The following SLC12A8 variants were observed in gnomAD, a reference collection of about 807,000 sequenced individuals.
SLC12A8 encodes the protein solute carrier family 12 member 8, also known as cation-chloride cotransporter 9.
In SLC12A8, 69 loss-of-function variants were observed where a neutral mutation model predicts 75.6. The observed-to-expected ratio is 0.91, with a 90% CI of 0.75 to 1.11. The LOEUF (loss-of-function observed/expected upper bound fraction) is 1.11. SLC12A8 is among the 50% of genes most tolerant of loss of function. The pLI, the probability that SLC12A8 is intolerant of heterozygous loss-of-function variation, is 0.00. For missense variants in SLC12A8, 877 were observed against 896.7 expected, an observed-to-expected ratio of 0.98 and a Z score of 0.28; for synonymous variants, 365 against 372.8, an observed-to-expected ratio of 0.98 and a Z score of 0.24.
chr3:125,173,518 T>G (rs576135748), intron 5 of SLC12A8, among the ~76,000 whole-genome samples: 1 of 143,644 alleles, frequency 7.0e-6, no homozygotes, highest in African/African-American at 2.6e-5. Context: ...TCACAAAATA[T>G]TAACTCAATC....
At chr3:125,146,813 A>G (rs934412782) in intron 5 of SLC12A8, among the ~76,000 whole-genome samples, 2 of 152,220 alleles carry the variant, frequency 1.3e-5, no homozygotes, top group African/African-American at 4.8e-5. Context: ...CTAAGTTTGT[A>G]CATTTTTTGT....
intron 5 of SLC12A8, among the ~76,000 whole-genome samples, chr3:125,141,696 G>GCGGGCTGCGGA (rs1933643213): frequency 6.7e-6 from 1 of 149,410 alleles, no homozygotes; most frequent in South Asian, 2.1e-4. Context: ...CGGGCTGCGG[G>GCGGGCTGCGGA]CTGCGGGCTG....
intron 13 of SLC12A8, among the ~76,000 whole-genome samples, chr3:125,087,254 A>G (rs919241807): frequency 4.6e-5 from 7 of 151,952 alleles, no homozygotes; most frequent in African/African-American, 1.7e-4. Flanking sequence ...CACCATGCCC[A>G]ACTAATTTTT....
intron 2 of SLC12A8, among the ~76,000 whole-genome samples, chr3:125,198,772 A>G (rs1162739711): frequency 7.2e-6 from 1 of 139,794 alleles, no homozygotes; most frequent in Non-Finnish European, 1.6e-5. Flanking sequence ...TACAGATTAG[A>G]CAATAGGATT....
chr3:125,158,886 A>G (rs1366590244), intron 5 of SLC12A8, among the ~76,000 whole-genome samples: 1 of 152,194 alleles, frequency 6.6e-6, no homozygotes, highest in African/African-American at 2.4e-5. Flanking sequence ...CCTTCTTCAT[A>G]TCTCTTCCAT....
intron 10 of SLC12A8, among the ~76,000 whole-genome samples, chr3:125,101,277 A>C (rs1168984761): frequency 1.3e-5 from 2 of 152,244 alleles, no homozygotes; most frequent in Non-Finnish European, 2.9e-5. Flanking sequence ...CTTCAGCGAA[A>C]TAGCTCATAT....
At position 125,177,881 on chromosome 3, in the gene SLC12A8, C is replaced by A; in HGVS notation, c.484G>T (p.Val162Phe). Reference protein sequence around the residue: ...GNIWAVRGISVAVLLALLGIN... With the variant: ...GNIWAVRGISFAVLLALLGIN... ...CCCAGCAAGGCCAGAAGCACCGCAACTGAAATTCCTCGCACAGCCCAGATA... is the reference window on the plus strand; with the variant it reads ...CCCAGCAAGGCCAGAAGCACCGCAAATGAAATTCCTCGCACAGCCCAGATA... The change falls in exon 5 of 14, where the codon GTT becomes TTT. Residue 162 changes from valine to phenylalanine, a missense_variant. By Grantham distance (50) the Val-to-Phe change is conservative. Transcript: ENST00000469902. The A allele has an allele frequency of 6.2e-7, 1 of 1,614,222 alleles. No individual in the cohort carries two copies. Among genetic ancestry groups the A allele is most frequent in the Non-Finnish European group, 8.5e-7 (1 of 1,180,048 alleles).
At chr3:125,088,012 A>G (rs1374905962) in intron 13 of SLC12A8, 5 of 394,728 alleles carry the variant, frequency 1.3e-5, no homozygotes, top group Non-Finnish European at 1.9e-5. Context: ...AAACTCACTG[A>G]GAGTAGTGAC....
chr3:125,155,625 G>GCCGGGTGTGGAAGCGGGCAC (rs538840861), intron 5 of SLC12A8, among the ~76,000 whole-genome samples: 2 of 119,586 alleles, frequency 1.7e-5, no homozygotes, highest in East Asian at 2.5e-4. Flanking sequence ...CAAAAAAGTA[G>GCCGGGTGTGGAAGCGGGCAC]CTGTAGTCCC....
chr3:125,211,524 C>T, intron 1 of SLC12A8, 130 bp from the exon 2 acceptor site: 1 of 650,372 alleles, frequency 1.5e-6, no homozygotes, highest in Non-Finnish European at 2.8e-6. Context: ...ACCTTGTCTA[C>T]CTCATCTGGA....
At chr3:125,164,532 T>C (rs1934245693) in intron 5 of SLC12A8, among the ~76,000 whole-genome samples, 1 of 152,122 alleles carries the variant, frequency 6.6e-6, no homozygotes. Context: ...GAGTGGGAAA[T>C]GCAGGAGGAA....
chr3:125,085,024 T>G lies in SLC12A8; in HGVS notation c.1983-972A>C, dbSNP rs113955191. Among the ~76,000 whole-genome samples the G allele has an allele frequency of 4.6e-3, 702 of 152,320 alleles. 4 individuals are homozygous for G. Among genetic ancestry groups the G allele is most frequent in the African/African-American group, 0.016 (670 of 41,574 alleles). The stretch of plus-strand genomic sequence containing the variant: ...GATCTGTGGAACTTAAACAGAAAGT[T>G]TCAACGGACTCTGGCCAAATGTCCT... On this transcript the variant is annotated intron_variant, in intron 13 of 13. Transcript: ENST00000469902.
At chr3:125,132,751 T>G (rs1579493932) in intron 6 of SLC12A8, among the ~76,000 whole-genome samples, 1 of 152,180 alleles carries the variant, frequency 6.6e-6, no homozygotes, top group South Asian at 2.1e-4. Context: ...GTCACCAGTT[T>G]TGAGGGTGGT....
intron 2 of SLC12A8, among the ~76,000 whole-genome samples, chr3:125,196,520 A>G (rs937049274): frequency 6.6e-6 from 1 of 152,204 alleles, no homozygotes; most frequent in African/African-American, 2.4e-5. Flanking sequence ...AATAACCCCC[A>G]TACTGAGGAA....
chr3:125,085,116 A>G lies in SLC12A8; in HGVS notation c.1983-1064T>C, dbSNP rs182823168. 4.5e-4 allele frequency among the ~76,000 whole-genome samples: 69 copies of G among 152,348 alleles called. No homozygotes were observed. The East Asian group carries it at 0.013, about 29-fold the overall frequency. ...GTTGTTGAGAACATGTATAAATCAT[A>G]TAGGTCTCTGAGGGTTCTTGAGAAC... On this transcript the variant is annotated intron_variant, in intron 13 of 13. Coordinates refer to ENST00000469902, the MANE Select transcript of SLC12A8 (RefSeq NM_024628.6).
chr3:125,123,371 GA>G (rs34868769), intron 6 of SLC12A8, among the ~76,000 whole-genome samples: 85,626 of 103,894 alleles, frequency 0.82, 34,821 homozygotes, highest in East Asian at 0.94. Context: ...TCCATCTCAG[GA>G]AAAAAAAAAA....
In SLC12A8 at chr3:125,210,290, G is replaced by C. The variant is rs113616109; in HGVS notation, c.51+1009C>G. 4.4e-3 allele frequency among the ~76,000 whole-genome samples: 665 copies of C among 152,332 alleles called. 2 individuals carry two copies. Among genetic ancestry groups the C allele is most frequent in the Non-Finnish European group, 6.9e-3 (472 of 68,032 alleles). ...ATTGTTGATAAGAAGCATCAGCAAAGATCAAGGGAAAGATATAAGCTCTGG... is the reference window on the plus strand; with the variant it reads ...ATTGTTGATAAGAAGCATCAGCAAACATCAAGGGAAAGATATAAGCTCTGG... On this transcript the variant is annotated intron_variant, in intron 2 of 13. Coordinates refer to ENST00000469902, the MANE Select transcript of SLC12A8 (RefSeq NM_024628.6).
intron 5 of SLC12A8, among the ~76,000 whole-genome samples, chr3:125,154,148 G>A (rs1366285088): frequency 6.6e-6 from 1 of 152,246 alleles, no homozygotes; most frequent in East Asian, 1.9e-4. Flanking sequence ...TAGAGAGAAT[G>A]CTGGCTTCAA....
intron 5 of SLC12A8, among the ~76,000 whole-genome samples, chr3:125,137,394 G>A (rs1186247162): frequency 2.6e-5 from 4 of 152,138 alleles, no homozygotes; most frequent in Non-Finnish European, 5.9e-5. Context: ...ATGGTTTGGC[G>A]TTTTTGTAGC....
Sources: allele counts gnomAD v4.1 joint callset (sites outside exome capture counted in the v4.1 genomes callset), GRCh38; gene constraint gnomAD v4.1.1; transcripts MANE v1.5; gene names NCBI Gene and HGNC (gene_info 2026-07-23, HGNC 2026-07-21).